Variants in DCC observed in about 807,000 individuals in gnomAD.
DCC encodes the protein netrin receptor DCC.
A neutral mutation model predicts 172.5 loss-of-function variants in DCC; 58 were observed. The ratio of observed to expected loss-of-function variants is 0.34; its 90% CI spans 0.27 to 0.42. The LOEUF (loss-of-function observed/expected upper bound fraction) is 0.42, where lower values mean the gene tolerates loss of function less well. Among genes scored for constraint, DCC ranks in the 10% least tolerant of loss-of-function variants. The pLI is 1.00. For synonymous variants in DCC, 709 were observed against 644.5 expected, an observed-to-expected ratio of 1.10 and a Z score of -1.52; for missense variants, 1,740 against 1,791.0, an observed-to-expected ratio of 0.97 and a Z score of 0.51.
intron 2 of DCC, among the ~76,000 whole-genome samples, chr18:52,795,264 C>A (rs2037851208): frequency 6.6e-6 from 1 of 151,920 alleles, no homozygotes; most frequent in African/African-American, 2.4e-5. Context: ...CTGAACTTTT[C>A]TTTATTGGGA....
chr18:52,426,133 T>C (rs1234559817), intron 1 of DCC, among the ~76,000 whole-genome samples: 1 of 152,022 alleles, frequency 6.6e-6, no homozygotes, highest in East Asian at 1.9e-4. Context: ...TTGAAACAGC[T>C]TTCAACAAGC....
intron 11 of DCC, among the ~76,000 whole-genome samples, chr18:53,213,307 T>G (rs549587463): frequency 7.2e-4 from 110 of 152,334 alleles, no homozygotes; most frequent in African/African-American, 2.4e-3. Context: ...TAGCATGACA[T>G]GTCAGTATTA....
chr18:52,384,571 G>A (rs1415965279), intron 1 of DCC, among the ~76,000 whole-genome samples: 1 of 152,160 alleles, frequency 6.6e-6, no homozygotes, highest in Non-Finnish European at 1.5e-5. Flanking sequence ...AGCTTTTGCT[G>A]TTGTCCCTGG....
intron 5 of DCC, among the ~76,000 whole-genome samples, chr18:52,983,945 G>A (rs985128568): frequency 4.6e-5 from 7 of 152,036 alleles, no homozygotes; most frequent in Admixed American, 3.9e-4. Context: ...GCTGAGTTAG[G>A]CCTGCTAAGC....
chr18:52,678,638 A>G (rs1210181843), intron 1 of DCC, among the ~76,000 whole-genome samples: 1 of 152,162 alleles, frequency 6.6e-6, no homozygotes, highest in Non-Finnish European at 1.5e-5. Flanking sequence ...GGACGTTAGG[A>G]GAGAATCATT....
chr18:52,922,037 A>G (rs150636235), intron 3 of DCC, among the ~76,000 whole-genome samples: 33 of 151,768 alleles, frequency 2.2e-4, no homozygotes, highest in African/African-American at 7.0e-4. Flanking sequence ...TTCAAACCAT[A>G]TTTGCGAGAT....
intron 10 of DCC, among the ~76,000 whole-genome samples, chr18:53,206,172 C>A (rs1438640780): frequency 6.3e-3 from 8 of 1,274 alleles, no homozygotes; most frequent in Non-Finnish European, 3.2e-3. Context: ...TATACATATA[C>A]ATATATAATA....
intron 13 of DCC, among the ~76,000 whole-genome samples, chr18:53,319,922 A>G (rs895697291): frequency 1.3e-5 from 2 of 152,204 alleles, no homozygotes; most frequent in African/African-American, 4.8e-5. Flanking sequence ...GTTGGATTGA[A>G]TAACTGGGTG....
At chr18:52,754,362 ATTGAAATTCTAACCCCCAAT>A (rs2037044833) in intron 2 of DCC, 1 of 152,180 alleles carries the variant, frequency 6.6e-6, no homozygotes, top group Non-Finnish European at 1.5e-5. Flanking sequence ...AAATGTGTAT[ATTGAAATTCTAACCCCCAAT>A]GTGATAGCAC....
chr18:53,469,099 A>G (rs932119185), intron 25 of DCC, among the ~76,000 whole-genome samples: 7 of 152,046 alleles, frequency 4.6e-5, no homozygotes, highest in Non-Finnish European at 2.9e-5. Flanking sequence ...AGGACCTCCA[A>G]TCCATTAACT....
rs1368537799 is a variant in DCC at position 53,535,552 on chromosome 18, G to A, written c.*4899G>A. On this transcript the variant is annotated 3_prime_UTR_variant, in exon 29 of 29. Transcript: ENST00000442544. ...ATTTGGTAGAAATGGGTATACTACA[G>A]CTTTAACTAGCCTTAGTGAGAAAAG... 2 of 152,206 alleles carry A rather than the reference G, an allele frequency of 1.3e-5. No homozygotes were observed. Among genetic ancestry groups the A allele is most frequent in the Non-Finnish European group, 1.5e-5 (1 of 68,036 alleles). The allele number at this position is 152,206 out of a possible 1,614,324, so 9.4% of individuals were successfully genotyped here. A position where few individuals can be genotyped will look rare whatever the true frequency, so the allele number is the denominator to read the frequency against.
intron 1 of DCC, among the ~76,000 whole-genome samples, chr18:52,594,780 T>G (rs1402689200): frequency 6.6e-6 from 1 of 152,058 alleles, no homozygotes; most frequent in Non-Finnish European, 1.5e-5. Context: ...GCAAGGGAGA[T>G]GCAACACGCT....
At chr18:53,004,182 G>T (rs1028374673) in intron 5 of DCC, among the ~76,000 whole-genome samples, 4 of 152,164 alleles carry the variant, frequency 2.6e-5, no homozygotes, top group African/African-American at 4.8e-5. Context: ...TAGGGAGTCT[G>T]TGAAATCCCT....
At chr18:53,414,288 T>A (rs1284231087) in intron 20 of DCC, among the ~76,000 whole-genome samples, 1 of 152,042 alleles carries the variant, frequency 6.6e-6, no homozygotes, top group Non-Finnish European at 1.5e-5. Flanking sequence ...TTCCTATAAA[T>A]AATATAACTG....
At chr18:53,123,171 A>C (rs1481498960) in intron 7 of DCC, among the ~76,000 whole-genome samples, 1 of 152,052 alleles carries the variant, frequency 6.6e-6, no homozygotes, top group Non-Finnish European at 1.5e-5. Context: ...GCAATATGCA[A>C]ATACATTGGA....
At chr18:52,823,338 A>C (rs527899768) in intron 2 of DCC, among the ~76,000 whole-genome samples, 62 of 152,312 alleles carry the variant, frequency 4.1e-4, no homozygotes, top group African/African-American at 1.5e-3. Flanking sequence ...TTCTGGGTGG[A>C]TCGACAAGTG....
chr18:53,041,036 T>A (rs1212458785), intron 5 of DCC, among the ~76,000 whole-genome samples: 2 of 152,096 alleles, frequency 1.3e-5, no homozygotes, highest in Non-Finnish European at 2.9e-5. Flanking sequence ...CTCTTTAGTT[T>A]AATTAGATCC....
intron 13 of DCC, among the ~76,000 whole-genome samples, chr18:53,312,964 A>G (rs1599013855): frequency 8.3e-5 from 6 of 72,266 alleles, no homozygotes; most frequent in South Asian, 5.9e-4. Flanking sequence ...GGGAGGAGGG[A>G]GTGGGGAGAG....
chr18:53,402,964 TG>T, intron 19 of DCC, 71 bp downstream of exon 19: 1 of 1,061,598 alleles, frequency 9.4e-7, no homozygotes, highest in Non-Finnish European at 1.5e-6. Context: ...CTACATGAGC[TG>T]CTCCTGCCTT....
Sources: allele counts gnomAD v4.1 joint callset (sites outside exome capture counted in the v4.1 genomes callset), GRCh38; gene constraint gnomAD v4.1.1; transcripts MANE v1.5; gene names NCBI Gene and HGNC (gene_info 2026-07-23, HGNC 2026-07-21).